TET3: variants seen among roughly 807,000 people sequenced by gnomAD.
TET3 encodes the protein methylcytosine dioxygenase TET3.
Under a neutral mutation model 141.4 loss-of-function variants are expected in TET3, and 19 were observed. That is an observed-to-expected ratio of 0.13 (90% CI 0.09 to 0.20). TET3 has a LOEUF of 0.20. Ranked by LOEUF, TET3 falls within the 10% of genes least tolerant of loss-of-function variation. TET3 has a pLI of 1.00. For synonymous variants in TET3, 1,043 were observed against 980.9 expected, an observed-to-expected ratio of 1.06 and a Z score of -1.18; for missense variants, 1,874 against 2,356.9, an observed-to-expected ratio of 0.80 and a Z score of 4.24.
At chr2:74,134,273 G>A in the TET3 span, among the ~76,000 whole-genome samples, 5 of 152,194 alleles carry the variant, frequency 3.3e-5, no homozygotes, top group African/African-American at 1.2e-4. Flanking sequence ...TTCAGGCACA[G>A]TTCTCTGTTT....
intron 4 of TET3, among the ~76,000 whole-genome samples, chr2:74,068,477 G>C (rs190278334): frequency 1.7e-3 from 252 of 152,174 alleles, no homozygotes; most frequent in African/African-American, 5.9e-3. Flanking sequence ...ATATGGATAT[G>C]CTGTAATGCA....
At chr2:73,987,489 C>T (rs1684095451) in intron 2 of TET3, among the ~76,000 whole-genome samples, 1 of 152,162 alleles carries the variant, frequency 6.6e-6, no homozygotes, top group African/African-American at 2.4e-5. Context: ...GGCCGTCTTT[C>T]CCTCCCATTA....
the TET3 span, among the ~76,000 whole-genome samples, chr2:74,114,853 C>CAAAAAAAAAAAAAAAAAAAAAAAAAAAA: frequency 6.8e-5 from 3 of 43,880 alleles, no homozygotes; most frequent in African/African-American, 3.4e-4. Context: ...GACTCTGTCT[C>CAAAAAAAAAAAAAAAAAAAAAAAAAAAA]AAAAAAAAAA....
Position 74,002,910 on chromosome 2 carries a change from G to T in TET3, c.304-200G>T, listed in dbSNP as rs563907877. 8.7e-4 allele frequency: 522 copies of T among 601,172 alleles called. 1 individual carries two copies. Among genetic ancestry groups the T allele is most frequent in the Middle Eastern group, 2.3e-3 (9 of 3,864 alleles). 37.2% of individuals were successfully genotyped at this position (601,172 alleles called of 1,614,324 possible). On this transcript the variant is annotated intron_variant, in intron 2 of 11. Transcript: ENST00000409262. ...GAGAAATGAAAACAAAAACACACTG[G>T]AAGGCGGGGGAGCCTGTCTGCCGTG...
chr2:74,080,465 T>C (rs374435550), intron 5 of TET3, 33 bp from the exon 6 acceptor site: 10 of 1,590,736 alleles, frequency 6.3e-6, no homozygotes, highest in African/African-American at 2.7e-5. Context: ...GGGGTTCTGC[T>C]GTGCTAATGG....
intron 2 of TET3, among the ~76,000 whole-genome samples, chr2:73,990,707 C>T (rs900859327): frequency 6.6e-6 from 1 of 152,230 alleles, no homozygotes; most frequent in Non-Finnish European, 1.5e-5. Flanking sequence ...ACTGGATTTA[C>T]ATCTTGAAAC....
intron 4 of TET3, among the ~76,000 whole-genome samples, chr2:74,055,028 C>T (rs1469758587): frequency 6.6e-6 from 1 of 151,906 alleles, no homozygotes; most frequent in Non-Finnish European, 1.5e-5. Flanking sequence ...CCCAAGTAGC[C>T]AGGACTACAG....
At chr2:74,057,487 TA>T (rs1187252534) in intron 4 of TET3, among the ~76,000 whole-genome samples, 2 of 152,240 alleles carry the variant, frequency 1.3e-5, no homozygotes, top group Non-Finnish European at 2.9e-5. Context: ...CCTGAATTTT[TA>T]AGGAAAGAAT....
the TET3 span, among the ~76,000 whole-genome samples, chr2:74,116,404 A>AG: frequency 6.6e-6 from 1 of 152,042 alleles, no homozygotes; most frequent in African/African-American, 2.4e-5. Context: ...GATATCTGGG[A>AG]GGGCACGGTG....
At position 74,047,082 on chromosome 2, in the gene TET3, T is replaced by C; in HGVS notation, c.1165T>C (p.Ser389Pro). Reference protein sequence around the residue: ...QASCPLPEALSPPAPFRSPQS... With the variant: ...QASCPLPEALPPPAPFRSPQS... ...TTCTTGCCCCCTTCCTGAGGCCTTG[T>C]CACCTCCTGCCCCTTTCAGATCTCC... is the stretch of plus-strand genomic sequence containing the variant. Residue 389 changes from serine to proline, a missense_variant, in exon 4 of 12, where the codon TCA becomes CCA. This residue lies in a region of TET3 where 484 missense variants were observed against 462.2 expected (regional missense o/e 1.05). Coordinates refer to ENST00000409262, the MANE Select transcript of TET3 (RefSeq NM_001287491.2). 6.2e-7 allele frequency: 1 copy of C among 1,613,890 alleles called. No homozygotes were observed. The highest frequency in any genetic ancestry group is 8.5e-7 in the Non-Finnish European group (1 of 1,179,842).
rs185091854 is a variant in TET3, at chr2:74,101,623, C to T, written c.4835C>T (p.Pro1612Leu). ...LWDPFSLEEG[P>L]AEEPPSKGAV... ...GACCCCTTCAGCCTGGAGGAGGGGC[C>T]GGCTGAGGAGCCCCCCAGCAAGGGA... Residue 1612 changes from proline to leucine, a missense_variant, in exon 12 of 12, where the codon CCG becomes CTG. Physicochemically the swap from Pro to Leu is moderately conservative, Grantham distance 98. Around this residue, in one of 10 missense-constraint regions of TET3, gnomAD observed 602 missense variants for 590.2 expected, o/e 1.02. Transcript: ENST00000409262. The surrounding 1 kb of genome is among the most constrained non-coding windows in gnomAD (Gnocchi z 8.5). The T allele has an allele frequency of 6.9e-5, 111 of 1,612,830 alleles. No individual in the cohort carries two copies. In the African/African-American group the frequency reaches 7.1e-4, roughly 10 times the overall value.
Position 74,047,599 on chromosome 2 carries a change from C to T in TET3, c.1682C>T (p.Pro561Leu). ...PSEPSAPGWW[P>L]PPSSPVPRLP... ...GAGCCTTCTGCTCCTGGCTGGTGGCCCCCACCAAGTTCACCTGTCCCACGG... is the reference window on the plus strand; with the variant it reads ...GAGCCTTCTGCTCCTGGCTGGTGGCTCCCACCAAGTTCACCTGTCCCACGG... The change falls in exon 4 of 12, where the codon CCC (proline) becomes CTC (leucine). Residue 561 changes from proline (P) to leucine (L), a missense_variant. Coordinates refer to ENST00000409262, the MANE Select transcript of TET3 (RefSeq NM_001287491.2). The T allele has an allele frequency of 6.2e-7, 1 of 1,613,874 alleles. No individual in the cohort carries two copies. The highest frequency in any genetic ancestry group is 8.5e-7 in the Non-Finnish European group (1 of 1,179,860).
At chr2:74,026,672 C>T (rs1447811406) in intron 3 of TET3, among the ~76,000 whole-genome samples, 1 of 150,934 alleles carries the variant, frequency 6.6e-6, no homozygotes, top group African/African-American at 2.4e-5. Context: ...ATTATGCATT[C>T]TTTGTCTCAC....
chr2:74,075,715 A>G (rs570570185), intron 5 of TET3, among the ~76,000 whole-genome samples: 2 of 152,300 alleles, frequency 1.3e-5, no homozygotes, highest in East Asian at 3.9e-4. Context: ...ATAAAAGGTA[A>G]GATACATGGA....
intron 10 of TET3, among the ~76,000 whole-genome samples, chr2:74,098,801 T>C (rs1435290142): frequency 1.3e-5 from 2 of 152,158 alleles, no homozygotes; most frequent in Non-Finnish European, 2.9e-5. Flanking sequence ...ATCATATTGA[T>C]CAGGCTAGTC....
chr2:74,065,661 T>TTTTC, intron 4 of TET3, among the ~76,000 whole-genome samples: 1 of 151,442 alleles, frequency 6.6e-6, no homozygotes, highest in South Asian at 2.1e-4. Flanking sequence ...TTCTTTTCTT[T>TTTTC]TTTCTTTCTT....
chr2:74,062,630 G>T (rs1031833907), intron 4 of TET3, among the ~76,000 whole-genome samples: 1 of 152,150 alleles, frequency 6.6e-6, no homozygotes, highest in Non-Finnish European at 1.5e-5. Context: ...GATTACCAGG[G>T]ATGGTGCTGA....
At chr2:73,999,654 G>A (rs1329364925) in intron 2 of TET3, among the ~76,000 whole-genome samples, 1 of 152,182 alleles carries the variant, frequency 6.6e-6, no homozygotes, top group Non-Finnish European at 1.5e-5. Flanking sequence ...GTAGGGTCTG[G>A]GGGTTGTGAT....
intron 5 of TET3, chr2:74,074,016 C>T (rs1689357488): frequency 6.4e-6 from 1 of 156,670 alleles, no homozygotes; most frequent in South Asian, 2.0e-4. Context: ...GACCAAAAGC[C>T]CTGATTGAGA....
Sources: allele counts gnomAD v4.1 joint callset (sites outside exome capture counted in the v4.1 genomes callset), GRCh38; gene constraint gnomAD v4.1.1; regional missense constraint gnomAD v4.1.1; non-coding constraint Gnocchi (gnomAD v3.1); transcripts MANE v1.5; gene names NCBI Gene and HGNC (gene_info 2026-07-23, HGNC 2026-07-21).